The following ACTR5 variants were observed in gnomAD, a reference collection of about 807,000 sequenced individuals.
ACTR5 encodes the protein actin-related protein 5.
In ACTR5, 43 loss-of-function variants were observed where a neutral mutation model predicts 61.2. The ratio of observed to expected loss-of-function variants is 0.70; its 90% CI spans 0.55 to 0.91. ACTR5 has a LOEUF of 0.91. Ranked by LOEUF, ACTR5 falls within the 40% of genes least tolerant of loss-of-function variation. The pLI is 0.00. For missense variants in ACTR5, 798 were observed against 782.2 expected (o/e 1.02, Z -0.24); for synonymous variants, 333 against 310.5 (o/e 1.07, Z -0.76).
intron 6 of ACTR5, 96 bp downstream of exon 6, chr20:38,765,614 T>C: frequency 9.7e-7 from 1 of 1,027,010 alleles, no homozygotes; most frequent in Non-Finnish European, 1.5e-6. Flanking sequence ...AACTGTTATG[T>C]TTTTTAGAAA....
chr20:38,768,130 G>A lies in ACTR5; in HGVS notation c.1566+534G>A, dbSNP rs6071390. ...TGCTGCATGATGTCGTGTACATTCAGGGGGGCGTCTCTGGGCTTTGGTGCT... is the reference window on the plus strand; with the variant it reads ...TGCTGCATGATGTCGTGTACATTCAAGGGGGCGTCTCTGGGCTTTGGTGCT... On this transcript the variant is annotated intron_variant, in intron 8 of 8. Transcript: ENST00000243903. 2.0e-5 allele frequency among the ~76,000 whole-genome samples: 3 copies of A among 152,150 alleles called. No individual in the cohort carries two copies. The East Asian group carries it at 5.8e-4, about 29-fold the overall frequency.
rs1324837324 is a variant in ACTR5 at position 38,755,598 on chromosome 20, C to A, written c.994-259C>A. 1.5e-3 allele frequency among the ~76,000 whole-genome samples: 231 copies of A among 150,206 alleles called. 1 individual carries two copies. Among genetic ancestry groups the A allele is most frequent in the African/African-American group, 5.3e-3 (216 of 40,894 alleles). On this transcript the variant is annotated intron_variant, in intron 4 of 8. Coordinates refer to ENST00000243903, the MANE Select transcript of ACTR5 (RefSeq NM_024855.4). ...CCACCTTCCTTCACATCCCCCGCCC[C>A]ACCAAAAAAAAAAAGGGTAACAACC... is the stretch of plus-strand genomic sequence containing the variant.
chr20:38,766,744 C>T (rs1286877661), intron 7 of ACTR5, among the ~76,000 whole-genome samples: 1 of 152,200 alleles, frequency 6.6e-6, no homozygotes, highest in African/African-American at 2.4e-5. Context: ...TTTTTCCCCT[C>T]CTTGCAGGCA....
At position 38,766,226 on chromosome 20, in the gene ACTR5, G is replaced by A; in HGVS notation, c.1294-12G>A. The A allele has an allele frequency of 6.2e-7, 1 of 1,600,746 alleles. No individual in the cohort carries two copies. The highest frequency in any genetic ancestry group is 8.5e-7 in the Non-Finnish European group (1 of 1,176,256). ...GGCCTAAAAATATCTTTTAAACCTTGGGTTTTTAAAGCCCGTGTTTAACTT... is the reference window on the plus strand; with the variant it reads ...GGCCTAAAAATATCTTTTAAACCTTAGGTTTTTAAAGCCCGTGTTTAACTT... On this transcript the variant is annotated splice_polypyrimidine_tract_variant and intron_variant, in intron 6 of 8. Coordinates refer to ENST00000243903, the MANE Select transcript of ACTR5 (RefSeq NM_024855.4).
chr20:38,748,473 T>A lies in ACTR5; in HGVS notation c.-6T>A. On this transcript the variant is annotated 5_prime_UTR_variant, in exon 1 of 9. Coordinates refer to ENST00000243903, the MANE Select transcript of ACTR5 (RefSeq NM_024855.4). ...CCGAGGGGCGGGGCTGGACGCGCGCTCCAAGATGGCGGCGAACGTGTTCCC... is the reference window on the plus strand; with the variant it reads ...CCGAGGGGCGGGGCTGGACGCGCGCACCAAGATGGCGGCGAACGTGTTCCC... 6.8e-7 allele frequency: 1 copy of A among 1,480,378 alleles called. No individual in the cohort carries two copies. The highest frequency in any genetic ancestry group is 8.9e-7 in the Non-Finnish European group (1 of 1,123,768). 91.7% of individuals were successfully genotyped at this position (1,480,378 alleles called of 1,614,324 possible).
In ACTR5 at chr20:38,765,413, G is replaced by C; in HGVS notation, c.1188G>C (p.Leu396=). ...VVDSKPETPD[L]EQLEPSLEDV... is the part of the protein sequence containing the mutation. ...GCTCCTTCTCTTAGACCCCTGACCT[G>C]GAGCAGCTGGAGCCGTCTTTGGAAG... Residue 396 remains leucine, a synonymous_variant, in exon 6 of 9, where the codon CTG becomes CTC. Coordinates refer to ENST00000243903, the MANE Select transcript of ACTR5 (RefSeq NM_024855.4). The C allele has an allele frequency of 6.2e-7, 1 of 1,614,064 alleles. No individual in the cohort carries two copies. The highest frequency in any genetic ancestry group is 8.5e-7 in the Non-Finnish European group (1 of 1,179,954).
rs894924322 is a variant in ACTR5, at chr20:38,772,009, G to C, written c.*193G>C. 5.2e-5 allele frequency: 40 copies of C among 764,290 alleles called. No individual in the cohort carries two copies. In the Admixed American group the frequency reaches 5.9e-4, roughly 11 times the overall value. 47.3% of individuals were successfully genotyped at this position (764,290 alleles called of 1,614,324 possible). On this transcript the variant is annotated 3_prime_UTR_variant, in exon 9 of 9. Transcript: ENST00000243903. ...CCTTCAGAATTCGGTTCACTTGGGGGCTTCTGTGGTAGAGACTAACTGGCC... is the reference window on the plus strand; with the variant it reads ...CCTTCAGAATTCGGTTCACTTGGGGCCTTCTGTGGTAGAGACTAACTGGCC...
At chr20:38,760,198 C>A (rs1297601277) in intron 5 of ACTR5, among the ~76,000 whole-genome samples, 2 of 150,464 alleles carry the variant, frequency 1.3e-5, no homozygotes, top group Non-Finnish European at 3.0e-5. Flanking sequence ...CAGTAGGTAG[C>A]AAAAGGAGGA....
intron 4 of ACTR5, among the ~76,000 whole-genome samples, chr20:38,755,510 G>T (rs62202470): frequency 0.17 from 25,838 of 151,820 alleles, 2,154 homozygotes; most frequent in Admixed American, 0.19. Context: ...CTGCTGTCAG[G>T]TTAAGAAACA....
chr20:38,751,066 C>T (rs553845914), intron 2 of ACTR5, among the ~76,000 whole-genome samples: 5 of 152,320 alleles, frequency 3.3e-5, no homozygotes, highest in Non-Finnish European at 5.9e-5. Context: ...TCTGTTGCCA[C>T]TTTATCGTTG....
chr20:38,767,996 C>CA (rs1279891829), intron 8 of ACTR5, among the ~76,000 whole-genome samples: 1 of 152,142 alleles, frequency 6.6e-6, no homozygotes, highest in Non-Finnish European at 1.5e-5. Context: ...TGCTGGAGCA[C>CA]ATGGCTGATA....
intron 6 of ACTR5, 24 bp downstream of exon 6, chr20:38,765,542 A>G (rs765871079): frequency 1.3e-6 from 2 of 1,582,376 alleles, no homozygotes; most frequent in Non-Finnish European, 8.7e-7. Flanking sequence ...AGCCCAGAAC[A>G]TGCTTATTCT....
chr20:38,752,031 TTTC>T, intron 2 of ACTR5, 97 bp from the exon 3 acceptor site: 1 of 1,356,198 alleles, frequency 7.4e-7, no homozygotes, highest in South Asian at 1.3e-5. Context: ...TGCTGGTCTG[TTTC>T]TTCTTTATCT....
chr20:38,760,954 T>TC (rs2145672169), intron 5 of ACTR5, among the ~76,000 whole-genome samples: 1 of 152,192 alleles, frequency 6.6e-6, no homozygotes, highest in South Asian at 2.1e-4. Flanking sequence ...TTCGGAGCCT[T>TC]CCAGGGATGT....
intron 8 of ACTR5, among the ~76,000 whole-genome samples, chr20:38,769,822 A>G (rs1253106153): frequency 6.6e-6 from 1 of 152,076 alleles, no homozygotes; most frequent in Non-Finnish European, 1.5e-5. Flanking sequence ...TGAGTCTAAG[A>G]AGGAGGTGGA....
At chr20:38,749,159 C>T (rs2084371280) in intron 1 of ACTR5, among the ~76,000 whole-genome samples, 1 of 152,310 alleles carries the variant, frequency 6.6e-6, no homozygotes, top group Non-Finnish European at 1.5e-5. Context: ...CACAAAACTT[C>T]CTGTGCTTAT....
chr20:38,764,486 C>G (rs2084473607), intron 5 of ACTR5, among the ~76,000 whole-genome samples: 1 of 152,174 alleles, frequency 6.6e-6, no homozygotes, highest in Non-Finnish European at 1.5e-5. Context: ...CCTAACTTCT[C>G]TTTTGGAAAT....
chr20:38,761,746 C>T (rs1332040401), intron 5 of ACTR5: 1 of 154,090 alleles, frequency 6.5e-6, no homozygotes, highest in Non-Finnish European at 1.5e-5. Flanking sequence ...CCTGCTAGAA[C>T]CTCCAAACAA....
chr20:38,756,117 G>A (rs1486314325), intron 5 of ACTR5, 78 bp downstream of exon 5: 1 of 1,449,178 alleles, frequency 6.9e-7, no homozygotes, highest in African/African-American at 1.4e-5. Context: ...AAGGGGTTGT[G>A]CCCAGAGTCA....
Sources: gnomAD v4.1 joint callset for allele counts (sites outside exome capture counted in the v4.1 genomes callset) on GRCh38, gnomAD v4.1.1 for gene constraint, MANE v1.5 for transcripts, NCBI Gene and HGNC (gene_info 2026-07-23, HGNC 2026-07-21) for gene names.